Variants in ANKS1A observed in about 807,000 individuals in gnomAD.
ANKS1A encodes the protein ankyrin repeat and sterile alpha motif domain containing 1A, also known as ankyrin repeat and SAM domain-containing protein 1A.
ANKS1A carries 55 observed loss-of-function variants against 120.3 expected under a neutral mutation model. The ratio of observed to expected loss-of-function variants is 0.46; its 90% CI spans 0.37 to 0.57. The LOEUF (loss-of-function observed/expected upper bound fraction) is 0.57. ANKS1A is among the 20% of genes least tolerant of loss of function. The probability of loss-of-function intolerance (pLI) is 0.00; values close to 1 mark genes in which losing one functional copy is unlikely to be tolerated. For missense variants in ANKS1A, 1,123 were observed against 1,480.3 expected, an observed-to-expected ratio of 0.76 and a Z score of 3.96; for synonymous variants, 590 against 604.7, an observed-to-expected ratio of 0.98 and a Z score of 0.36.
chr6:34,994,356 C>T lies in ANKS1A; in HGVS notation c.1357C>T (p.His453Tyr). ...HGSAAREEDE[H>Y]PYELLLTAET... is the part of the protein sequence containing the mutation. ...GAGTGCAGCCCGGGAAGAAGACGAA[C>T]ACCCTTATGAACTGTTGTTAACAGC... is the stretch of plus-strand genomic sequence containing the variant. The change falls in exon 10 of 24, where the codon CAC becomes TAC. Residue 453 changes from histidine to tyrosine, a missense_variant. By Grantham distance (83) the His-to-Tyr change is moderately conservative (BLOSUM62 2). Around this residue, in one of 3 missense-constraint regions of ANKS1A, gnomAD observed 904 missense variants for 1,130.4 expected, o/e 0.80. Transcript: ENST00000360359. 1 of 1,613,816 alleles carries T rather than the reference C, an allele frequency of 6.2e-7. No homozygotes were observed. The highest frequency in any genetic ancestry group is 8.5e-7 in the Non-Finnish European group (1 of 1,179,754).
chr6:34,932,018 A>G (rs911123935), intron 1 of ANKS1A, among the ~76,000 whole-genome samples: 15 of 152,244 alleles, frequency 9.9e-5, no homozygotes, highest in Non-Finnish European at 1.5e-4. Context: ...TGCTGAGGCC[A>G]GTGGCCAATG....
intron 8 of ANKS1A, 39 bp downstream of exon 8, chr6:34,985,317 T>C (rs1192382987): frequency 6.3e-7 from 1 of 1,592,956 alleles, no homozygotes. Context: ...GGGGCTGTGT[T>C]GGCTGGCTGG....
Position 35,090,276 on chromosome 6 carries a change from G to A in ANKS1A, c.*1667G>A. ...TACCGCTGTACAGTTCTCGGCCCCG[G>A]CTTTCTTCCAAGAGTTGACCAGGAA... On this transcript the variant is annotated 3_prime_UTR_variant, in exon 24 of 24. Coordinates refer to ENST00000360359, the MANE Select transcript of ANKS1A (RefSeq NM_015245.3). 1.6e-6 allele frequency: 2 copies of A among 1,289,726 alleles called. No homozygotes were observed. The highest frequency in any genetic ancestry group is 2.0e-6 in the Non-Finnish European group (2 of 988,852). The allele number at this position is 1,289,726 out of a possible 1,614,324, so 79.9% of individuals were successfully genotyped here.
Position 35,010,699 on chromosome 6 carries a change from AG to A in ANKS1A, c.1424-6771del, listed in dbSNP as rs370009971. 2.7e-4 allele frequency among the ~76,000 whole-genome samples: 41 copies of A among 152,326 alleles called. No individual in the cohort carries two copies. The East Asian group carries it at 6.0e-3, about 22-fold the overall frequency. On this transcript the variant is annotated intron_variant, in intron 10 of 23. Coordinates refer to ENST00000360359, the MANE Select transcript of ANKS1A (RefSeq NM_015245.3). ...AGCTAGAAGGATGAAAACTAGAAAA[AG>A]GGTTAGGCAGTTAGAAGGCCATTGG...
At chr6:35,088,113 T>C (rs907694380) in intron 23 of ANKS1A, among the ~76,000 whole-genome samples, 1 of 152,194 alleles carries the variant, frequency 6.6e-6, no homozygotes, top group African/African-American at 2.4e-5. Context: ...GGATCACAGA[T>C]AGACAGCGCC....
intron 1 of ANKS1A, among the ~76,000 whole-genome samples, chr6:34,896,779 A>C (rs767376148): frequency 6.6e-6 from 1 of 152,196 alleles, no homozygotes; most frequent in Non-Finnish European, 1.5e-5. Context: ...AGCCTGGCCA[A>C]TATGGTAAAA....
chr6:35,006,340 T>C (rs1773454815), intron 10 of ANKS1A, among the ~76,000 whole-genome samples: 1 of 151,714 alleles, frequency 6.6e-6, no homozygotes, highest in South Asian at 2.1e-4. Flanking sequence ...ATATTCTTAA[T>C]TGTACATTTT....
rs772072847 is a variant in ANKS1A at position 34,982,864 on chromosome 6, C to A, written c.808+37C>A. On this transcript the variant is annotated intron_variant, in intron 5 of 23. Coordinates refer to ENST00000360359, the MANE Select transcript of ANKS1A (RefSeq NM_015245.3). The surrounding 1 kb of genome is among the most constrained non-coding windows in gnomAD (Gnocchi z 4.9). ...GCAGCGCTCTTGTCTACACAGCGTGCCAGGGTTGGGATTGTTTCTCCCTAG... is the reference window on the plus strand; with the variant it reads ...GCAGCGCTCTTGTCTACACAGCGTGACAGGGTTGGGATTGTTTCTCCCTAG... 1.4e-5 allele frequency: 22 copies of A among 1,613,334 alleles called. No individual in the cohort carries two copies. The highest frequency in any genetic ancestry group is 1.3e-4 in the South Asian group (12 of 91,076).
At chr6:35,072,351 C>T (rs1014902319) in intron 13 of ANKS1A, among the ~76,000 whole-genome samples, 1 of 152,248 alleles carries the variant, frequency 6.6e-6, no homozygotes, top group Non-Finnish European at 1.5e-5. Flanking sequence ...AGGTGGAGCC[C>T]AGTGACAGAT....
chr6:35,029,899 A>G (rs1774820057), intron 11 of ANKS1A, among the ~76,000 whole-genome samples: 1 of 151,314 alleles, frequency 6.6e-6, no homozygotes, highest in South Asian at 2.1e-4. Context: ...CTGATATTTT[A>G]TGGTTTCATT....
intron 10 of ANKS1A, among the ~76,000 whole-genome samples, chr6:35,017,149 T>C (rs1774061538): frequency 6.6e-6 from 1 of 152,154 alleles, no homozygotes; most frequent in Admixed American, 6.6e-5. Flanking sequence ...CTTAACACTC[T>C]TCTCGCCTTA....
chr6:34,927,887 A>G (rs1241599235), intron 1 of ANKS1A, among the ~76,000 whole-genome samples: 1 of 152,150 alleles, frequency 6.6e-6, no homozygotes, highest in Non-Finnish European at 1.5e-5. Flanking sequence ...ACCCCTTACA[A>G]CCAAGAGGAG....
Position 35,089,927 on chromosome 6 carries a change from G to A in ANKS1A, c.*1318G>A. ...CCCAGGATGAATAATCCAGGCTTCA[G>A]CAACACTCCTCTTTCCCAGCCAGCA... On this transcript the variant is annotated 3_prime_UTR_variant, in exon 24 of 24. Transcript: ENST00000360359. The A allele has an allele frequency of 1.7e-6, 2 of 1,161,830 alleles. No individual in the cohort carries two copies. The highest frequency in any genetic ancestry group is 2.2e-6 in the Non-Finnish European group (2 of 927,926). The allele number at this position is 1,161,830 out of a possible 1,614,324, so 72.0% of individuals were successfully genotyped here. A position where few individuals can be genotyped will look rare whatever the true frequency, so the allele number is the denominator to read the frequency against.
chr6:34,946,947 A>G (rs1001913142), intron 1 of ANKS1A, among the ~76,000 whole-genome samples: 2 of 152,246 alleles, frequency 1.3e-5, no homozygotes, highest in African/African-American at 4.8e-5. Context: ...GCAGTCAGGC[A>G]GAAAGTGTTT....
Position 35,057,414 on chromosome 6 carries a change from C to T in ANKS1A, c.2078-2733C>T, listed in dbSNP as rs945729159. Among the ~76,000 whole-genome samples the T allele has an allele frequency of 6.6e-6, 1 of 152,132 alleles. No homozygotes were observed. Among genetic ancestry groups the T allele is most frequent in the African/African-American group, 2.4e-5 (1 of 41,424 alleles). ...GCCAGCCATGTTAGGTATTGAGTAG[C>T]TGGTCAAGCAGGATCCTTCTGGGGC... On this transcript the variant is annotated intron_variant, in intron 12 of 23. Coordinates refer to ENST00000360359, the MANE Select transcript of ANKS1A (RefSeq NM_015245.3). This position sits in a 1 kb window ranked among gnomAD's most constrained non-coding sequence, Gnocchi z 4.1.
In ANKS1A at chr6:35,060,270, C is replaced by G; in HGVS notation, c.2184+17C>G. 6.2e-7 allele frequency: 1 copy of G among 1,600,004 alleles called. No individual in the cohort carries two copies. The highest frequency in any genetic ancestry group is 8.5e-7 in the Non-Finnish European group (1 of 1,173,050). ...CACTTCCTGGTAAGTGGCTGCAGGC[C>G]TCCTCAATGGCAGGGTGCTGCTCAG... is the stretch of plus-strand genomic sequence containing the variant. On this transcript the variant is annotated intron_variant, in intron 13 of 23. Coordinates refer to ENST00000360359, the MANE Select transcript of ANKS1A (RefSeq NM_015245.3). This position sits in a 1 kb window ranked among gnomAD's most constrained non-coding sequence, Gnocchi z 4.5.
At chr6:35,067,404 C>T (rs1294634193) in intron 13 of ANKS1A, among the ~76,000 whole-genome samples, 1 of 152,184 alleles carries the variant, frequency 6.6e-6, no homozygotes, top group African/African-American at 2.4e-5. Context: ...GTCACCTGCA[C>T]CCCAGACGAA....
chr6:35,078,476 C>A, intron 13 of ANKS1A, 82 bp from the exon 14 acceptor site: 2 of 1,256,944 alleles, frequency 1.6e-6, no homozygotes, highest in Admixed American at 3.5e-5. Context: ...TGGTGCAGGG[C>A]CCTGAAAGGC....
At chr6:35,030,577 A>G (rs993006806) in intron 11 of ANKS1A, among the ~76,000 whole-genome samples, 1 of 152,224 alleles carries the variant, frequency 6.6e-6, no homozygotes, top group Non-Finnish European at 1.5e-5. Flanking sequence ...AACTAACTAA[A>G]TAAATAAAAA....
Sources: gnomAD v4.1 joint callset for allele counts (sites outside exome capture counted in the v4.1 genomes callset) on GRCh38, gnomAD v4.1.1 for gene constraint, gnomAD v4.1.1 regional missense constraint, Gnocchi (gnomAD v3.1) non-coding constraint, MANE v1.5 for transcripts, NCBI Gene and HGNC (gene_info 2026-07-23, HGNC 2026-07-21) for gene names.